ZRANB3: variants seen among roughly 807,000 people sequenced by gnomAD.
The protein encoded by ZRANB3 is zinc finger RANBP2-type containing 3.
A neutral mutation model predicts 133.8 loss-of-function variants in ZRANB3; 125 were observed. That is an observed-to-expected ratio of 0.93 (90% CI 0.81 to 1.08). ZRANB3 has a LOEUF of 1.08. ZRANB3 is among the 50% of genes least tolerant of loss of function. The pLI is 0.00. For missense variants in ZRANB3, 1,229 were observed against 1,275.5 expected (o/e 0.96, Z 0.56); for synonymous variants, 387 against 432.7 (o/e 0.89, Z 1.31).
chr2:135,218,330 A>T (rs1319810825), intron 16 of ZRANB3, among the ~76,000 whole-genome samples: 2 of 152,016 alleles, frequency 1.3e-5, no homozygotes, highest in Non-Finnish European at 2.9e-5. Flanking sequence ...TTTTCACAGG[A>T]AAAAAAACAT....
chr2:135,518,205 G>T (rs191394354), intron 1 of ZRANB3, among the ~76,000 whole-genome samples: 1 of 152,116 alleles, frequency 6.6e-6, no homozygotes, highest in Non-Finnish European at 1.5e-5. Context: ...GCTCCATGGG[G>T]TGGGATCTGC....
intron 3 of ZRANB3, among the ~76,000 whole-genome samples, chr2:135,375,602 G>A (rs1027315417): frequency 1.3e-5 from 2 of 151,870 alleles, no homozygotes; most frequent in Admixed American, 6.6e-5. Context: ...GGAAAATGGC[G>A]TGAACCTGGG....
chr2:135,350,946 T>C (rs1384069357), intron 4 of ZRANB3, among the ~76,000 whole-genome samples: 1 of 152,194 alleles, frequency 6.6e-6, no homozygotes, highest in Admixed American at 6.5e-5. Context: ...CATTTACATA[T>C]TTATGTCTCT....
chr2:135,220,414 T>G (rs1468828815), intron 15 of ZRANB3, among the ~76,000 whole-genome samples: 2 of 151,902 alleles, frequency 1.3e-5, no homozygotes, highest in African/African-American at 4.8e-5. Context: ...ATTAAAAATT[T>G]TGAGGCCAGG....
At chr2:135,416,457 G>A (rs1321066020) in intron 2 of ZRANB3, among the ~76,000 whole-genome samples, 14 of 152,048 alleles carry the variant, frequency 9.2e-5, no homozygotes, top group Non-Finnish European at 1.2e-4. Context: ...TGAAATAAAA[G>A]AGGATACAAA....
rs563617363 is a variant in ZRANB3 at position 135,210,799 on chromosome 2, C to T, written c.2496-1821G>A. Among the ~76,000 whole-genome samples, 21 of 152,162 alleles carry T rather than the reference C, an allele frequency of 1.4e-4. 1 individual carries two copies. In the East Asian group the frequency reaches 2.5e-3, roughly 18 times the overall value. The stretch of plus-strand genomic sequence containing the variant: ...GTATCTCATCATAGATTTTAAAATT[C>T]GCATTCCTATTAAGAGTAAGGGGGA... On this transcript the variant is annotated intron_variant, in intron 17 of 20. Coordinates refer to ENST00000264159, the MANE Select transcript of ZRANB3 (RefSeq NM_032143.4).
chr2:135,474,462 C>A (rs563052943), intron 2 of ZRANB3, among the ~76,000 whole-genome samples: 2 of 152,164 alleles, frequency 1.3e-5, no homozygotes, highest in East Asian at 3.9e-4. Flanking sequence ...GTGGTGCCCT[C>A]CCCACAGTTA....
chr2:135,384,920 T>A (rs78646427), intron 3 of ZRANB3, among the ~76,000 whole-genome samples: 15,963 of 152,194 alleles, frequency 0.1, 1,108 homozygotes, highest in South Asian at 0.32. Context: ...AGCATTCCCT[T>A]TGAAAGCTGG....
At chr2:135,415,015 A>C (rs1480957228) in intron 2 of ZRANB3, among the ~76,000 whole-genome samples, 1 of 151,872 alleles carries the variant, frequency 6.6e-6, no homozygotes, top group Non-Finnish European at 1.5e-5. Flanking sequence ...AAGACCCAAA[A>C]TTGACACCCT....
chr2:135,412,209 A>C (rs1688338204), intron 2 of ZRANB3, among the ~76,000 whole-genome samples: 1 of 152,156 alleles, frequency 6.6e-6, no homozygotes, highest in African/African-American at 2.4e-5. Flanking sequence ...CATATAATTC[A>C]ATAAATCAAA....
At chr2:135,522,099 C>T (rs1404225494) in intron 1 of ZRANB3, among the ~76,000 whole-genome samples, 1 of 152,198 alleles carries the variant, frequency 6.6e-6, no homozygotes, top group Non-Finnish European at 1.5e-5. Flanking sequence ...CTTGGATTCT[C>T]CTGAAACCCA....
At chr2:135,207,944 C>T in intron 18 of ZRANB3, 108 bp from the exon 19 acceptor site, 1 of 1,070,910 alleles carries the variant, frequency 9.3e-7, no homozygotes, top group Non-Finnish European at 1.3e-6. Flanking sequence ...ATAGTAAACA[C>T]AGATCACAGT....
At position 135,315,468 on chromosome 2, in the gene ZRANB3, T is replaced by C. The variant is rs1185417399; in HGVS notation, c.740A>G (p.Gln247Arg). 10 of 1,596,108 alleles carry C rather than the reference T, an allele frequency of 6.3e-6. 1 individual carries two copies. The Middle Eastern group carries it at 5.0e-4, about 79-fold the overall frequency. ...TCTAATCATTATGTCACTTAATAGC[T>C]GGTGAAGTTCATTAAGATTTGATGC... ...RGASNLNELHQLLSDIMIRRL... is the reference protein window; with the variant it reads ...RGASNLNELHRLLSDIMIRRL... The change falls in exon 7 of 21, where the codon CAG becomes CGG. Residue 247 changes from glutamine (Q) to arginine (R), a missense_variant. Gln to Arg is a conservative substitution (Grantham distance 43). Coordinates refer to ENST00000264159, the MANE Select transcript of ZRANB3 (RefSeq NM_032143.4).
chr2:135,347,378 C>T (rs1178071908), intron 5 of ZRANB3, among the ~76,000 whole-genome samples: 10 of 151,698 alleles, frequency 6.6e-5, no homozygotes, highest in African/African-American at 9.7e-5. Flanking sequence ...CTGCAAGCTC[C>T]GCCTCCTGGG....
At chr2:135,437,976 G>A (rs577157581) in intron 2 of ZRANB3, among the ~76,000 whole-genome samples, 27 of 152,260 alleles carry the variant, frequency 1.8e-4, no homozygotes, top group African/African-American at 5.3e-4. Flanking sequence ...GAGGAAGGGT[G>A]TATCTGATGT....
At chr2:135,281,817 C>T (rs1420637157) in intron 8 of ZRANB3, among the ~76,000 whole-genome samples, 1 of 152,216 alleles carries the variant, frequency 6.6e-6, no homozygotes, top group Admixed American at 6.5e-5. Flanking sequence ...AGGACCTTTT[C>T]ATTACCCTAA....
At chr2:135,432,095 A>T (rs1290965037) in intron 2 of ZRANB3, among the ~76,000 whole-genome samples, 1 of 152,096 alleles carries the variant, frequency 6.6e-6, no homozygotes, top group Non-Finnish European at 1.5e-5. Context: ...TGCTAAAAAT[A>T]CAAAATTAGC....
At chr2:135,414,467 A>G (rs1212942370) in intron 2 of ZRANB3, among the ~76,000 whole-genome samples, 1 of 152,118 alleles carries the variant, frequency 6.6e-6, no homozygotes, top group Non-Finnish European at 1.5e-5. Flanking sequence ...GTCCTGAGTG[A>G]CCTACAAAGA....
At chr2:135,264,994 C>A (rs896899403) in intron 12 of ZRANB3, among the ~76,000 whole-genome samples, 2 of 152,174 alleles carry the variant, frequency 1.3e-5, no homozygotes, top group African/African-American at 4.8e-5. Context: ...GGTGATCCGC[C>A]TGCCTCAGCC....
Sources: gnomAD v4.1 joint callset for allele counts (sites outside exome capture counted in the v4.1 genomes callset) on GRCh38, gnomAD v4.1.1 for gene constraint, MANE v1.5 for transcripts, NCBI Gene and HGNC (gene_info 2026-07-23, HGNC 2026-07-21) for gene names.